CASQ1: variants seen among roughly 807,000 people sequenced by gnomAD.
The protein encoded by CASQ1 is calsequestrin 1, also known as calsequestrin-1.
A neutral mutation model predicts 49.5 loss-of-function variants in CASQ1; 40 were observed. That is an observed-to-expected ratio of 0.81 (90% confidence interval 0.63 to 1.05). The LOEUF is 1.05. Ranked by LOEUF, CASQ1 falls within the 50% of genes least tolerant of loss-of-function variation. The pLI, the probability that CASQ1 is intolerant of heterozygous loss-of-function variation, is 0.00. For synonymous variants in CASQ1, 174 were observed against 187.2 expected (o/e 0.93, Z 0.58); for missense variants, 469 against 486.9 (o/e 0.96, Z 0.35).
chr1:160,196,727 C>T (rs146065975), intron 6 of CASQ1, among the ~76,000 whole-genome samples: 17 of 152,298 alleles, frequency 1.1e-4, no homozygotes, highest in East Asian at 9.6e-4. Context: ...GCGCCTGCCT[C>T]GGTCTCCCAA....
intron 2 of CASQ1, 45 bp downstream of exon 2, chr1:160,192,931 A>G: frequency 1.3e-6 from 2 of 1,532,352 alleles, no homozygotes; most frequent in Non-Finnish European, 1.8e-6. Flanking sequence ...CATTGAGACA[A>G]GGGGAGGCTT....
intron 10 of CASQ1, among the ~76,000 whole-genome samples, chr1:160,200,849 G>T (rs538021530): frequency 6.6e-6 from 1 of 152,124 alleles, no homozygotes; most frequent in Non-Finnish European, 1.5e-5. Flanking sequence ...GCTTCAGCCC[G>T]GGCAATAGAG....
rs114421443 is a variant in CASQ1 at position 160,193,356 on chromosome 1, A to G, written c.365-391A>G. Among the ~76,000 whole-genome samples, 659 of 152,230 alleles carry G rather than the reference A, an allele frequency of 4.3e-3. 7 individuals carry two copies. Among genetic ancestry groups the G allele is most frequent in the African/African-American group, 0.015 (614 of 41,510 alleles). ...TGAAGTCATCTGGTCAGTAATAGCA[A>G]TTAAAGAGCTTGACTGGGAACCAGC... is the stretch of plus-strand genomic sequence containing the variant. On this transcript the variant is annotated intron_variant, in intron 2 of 10. Coordinates refer to ENST00000368078, the MANE Select transcript of CASQ1 (RefSeq NM_001231.5).
At chr1:160,198,418 C>T (rs187250050) in intron 7 of CASQ1, 95 of 311,920 alleles carry the variant, frequency 3.0e-4, no homozygotes, top group Non-Finnish European at 4.7e-4. Context: ...GCAGGAGAAT[C>T]GCTTGAACCC....
At position 160,193,728 on chromosome 1, in the gene CASQ1, C is replaced by A. The variant is rs778019629; in HGVS notation, c.365-19C>A. ...ATCATGGCTCACTACCCCACCCCTG[C>A]GCCCGGCTCACTCCCTAGGCCTAAC... On this transcript the variant is annotated intron_variant, in intron 2 of 10. Transcript: ENST00000368078. The A allele has an allele frequency of 3.2e-5, 46 of 1,430,016 alleles. No homozygotes were observed. The highest frequency in any genetic ancestry group is 2.0e-4 in the Admixed American group (11 of 56,078). 88.6% of individuals were successfully genotyped at this position (1,430,016 alleles called of 1,614,324 possible).
chr1:160,195,516 C>T lies in CASQ1; in HGVS notation c.633C>T (p.Phe211=). The T allele has an allele frequency of 6.2e-7, 1 of 1,613,984 alleles. No homozygotes were observed. The highest frequency in any genetic ancestry group is 8.5e-7 in the Non-Finnish European group (1 of 1,179,932). ...AEEFHPYIPF[F]ATFDSKVAKK... ...AGTTTCATCCCTACATCCCCTTCTT[C>T]GCCACCTTCGACAGCAAGGTTCTCC... is the stretch of plus-strand genomic sequence containing the variant. Residue 211 remains phenylalanine (F), a synonymous_variant, in exon 5 of 11, where the codon TTC becomes TTT. Transcript: ENST00000368078.
At chr1:160,199,343 C>T (rs372763357) in intron 9 of CASQ1, among the ~76,000 whole-genome samples, 2 of 152,312 alleles carry the variant, frequency 1.3e-5, no homozygotes, top group East Asian at 1.9e-4. Flanking sequence ...TAGTCCTGCA[C>T]ATGGGTATAC....
At chr1:160,197,239 T>C (rs933753060) in intron 6 of CASQ1, among the ~76,000 whole-genome samples, 41 of 152,230 alleles carry the variant, frequency 2.7e-4, no homozygotes, top group Non-Finnish European at 4.1e-4. Flanking sequence ...ACCCAGCACC[T>C]AGCATAGTGC....
At chr1:160,199,724 C>A (rs1654326776) in intron 9 of CASQ1, 127 bp from the exon 10 acceptor site, 2 of 687,760 alleles carry the variant, frequency 2.9e-6, no homozygotes, top group Non-Finnish European at 5.4e-6. Context: ...CACAGGTGGA[C>A]CTGTCCCCAT....
intron 2 of CASQ1, among the ~76,000 whole-genome samples, chr1:160,193,402 G>A (rs901224533): frequency 2.6e-5 from 4 of 152,086 alleles, no homozygotes; most frequent in Admixed American, 6.5e-5. Flanking sequence ...CTCAGAGGGG[G>A]TGGCATGAAT....
chr1:160,192,913 G>A (rs752434307), intron 2 of CASQ1, 27 bp downstream of exon 2: 11 of 1,588,296 alleles, frequency 6.9e-6, no homozygotes, highest in East Asian at 4.5e-5. Context: ...CAGGGGAGGG[G>A]AAGGTGGCAT....
intron 1 of CASQ1, 139 bp from the exon 2 acceptor site, chr1:160,192,663 A>G: frequency 1.4e-6 from 1 of 706,562 alleles, no homozygotes; most frequent in Admixed American, 2.3e-5. Flanking sequence ...TTTGGGGGAT[A>G]TTCTGGATCT....
In CASQ1 at chr1:160,201,492, C is replaced by CTA; in HGVS notation, c.*117_*118insAT. The CTA allele has an allele frequency of 1.8e-6, 2 of 1,134,466 alleles. No homozygotes were observed. The highest frequency in any genetic ancestry group is 2.5e-6 in the Non-Finnish European group (2 of 785,214). The allele number at this position is 1,134,466 out of a possible 1,614,324, so 70.3% of individuals were successfully genotyped here. On this transcript the variant is annotated 3_prime_UTR_variant, in exon 11 of 11. Coordinates refer to ENST00000368078, the MANE Select transcript of CASQ1 (RefSeq NM_001231.5). ...AGGTTATTCTCTGCCATAGAGCTAACTGGGGTCTATATGCTGGGTGCTGAG... is the reference window on the plus strand; with the variant it reads ...AGGTTATTCTCTGCCATAGAGCTAACTATGGGGTCTATATGCTGGGTGCTGAG...
intron 2 of CASQ1, among the ~76,000 whole-genome samples, chr1:160,193,290 G>T (rs1000781728): frequency 1.3e-5 from 2 of 152,096 alleles, no homozygotes; most frequent in African/African-American, 4.8e-5. Flanking sequence ...GGCTTGAGAC[G>T]GGATTCTGGA....
Position 160,198,688 on chromosome 1 carries a change from G to A in CASQ1, c.840G>A (p.Met280Ile). ...TTACCCCCTGACAGGAGGATGATAT[G>A]GATGGAATCCACATTGTGGCCTTCG... Reference protein sequence around the residue: ...ESMYETWEDDMDGIHIVAFAE... With the variant: ...ESMYETWEDDIDGIHIVAFAE... The change falls in exon 8 of 11, where the codon ATG (methionine) becomes ATA (isoleucine). Residue 280 changes from methionine to isoleucine, a missense_variant. Transcript: ENST00000368078. 4 of 1,613,690 alleles carry A rather than the reference G, an allele frequency of 2.5e-6. No homozygotes were observed. The highest frequency in any genetic ancestry group is 2.5e-6 in the Non-Finnish European group (3 of 1,179,594).
chr1:160,192,547 T>C (rs774303162), intron 1 of CASQ1: 2 of 418,708 alleles, frequency 4.8e-6, no homozygotes, highest in Non-Finnish European at 8.8e-6. Flanking sequence ...CTGGGAAGTA[T>C]TGAGTGCAGT....
intron 1 of CASQ1, chr1:160,192,581 C>A (rs60136711): frequency 0.013 from 7,191 of 541,812 alleles, 462 homozygotes; most frequent in African/African-American, 0.12. Flanking sequence ...ACATAATAAG[C>A]ACATTGCAAA....
chr1:160,196,220 T>C (rs1432721832), intron 6 of CASQ1, among the ~76,000 whole-genome samples, 193 bp downstream of exon 6: 1 of 151,694 alleles, frequency 6.6e-6, no homozygotes, highest in African/African-American at 2.4e-5. Context: ...TACTTAGCCC[T>C]GAGCCCTACA....
At chr1:160,198,911 C>T (rs772202075) in intron 8 of CASQ1, 42 bp from the exon 9 acceptor site, 14 of 1,344,288 alleles carry the variant, frequency 1.0e-5, no homozygotes, top group African/African-American at 1.4e-5. Context: ...GGTCCCTTTC[C>T]TCTCTACACA....
Sources: allele counts gnomAD v4.1 joint callset (sites outside exome capture counted in the v4.1 genomes callset), GRCh38; gene constraint gnomAD v4.1.1; transcripts MANE v1.5; gene names NCBI Gene and HGNC (gene_info 2026-07-23, HGNC 2026-07-21).